Variants in SACS observed in about 807,000 individuals in gnomAD.
SACS encodes sacsin.
A neutral mutation model predicts 348.0 loss-of-function variants in SACS; 197 were observed. The observed-to-expected ratio is 0.57, with a 90% CI of 0.50 to 0.64. The LOEUF is 0.64. Ranked by LOEUF, SACS falls within the 30% of genes least tolerant of loss-of-function variation. The pLI, the probability that SACS is intolerant of heterozygous loss-of-function variation, is 0.00. For missense variants in SACS, 4,999 were observed against 5,360.8 expected, an observed-to-expected ratio of 0.93 and a Z score of 2.11; for synonymous variants, 1,985 against 1,910.6, an observed-to-expected ratio of 1.04 and a Z score of -1.02.
At chr13:23,375,492 A>T in intron 2 of SACS, 1 of 1,142,548 alleles carries the variant, frequency 8.8e-7, no homozygotes, top group Non-Finnish European at 1.1e-6. Flanking sequence ...CGTACGCAGC[A>T]GCCCGCGCCG....
chr13:23,362,446 T>C (rs1870796302), intron 6 of SACS, among the ~76,000 whole-genome samples: 1 of 152,198 alleles, frequency 6.6e-6, no homozygotes, highest in African/African-American at 2.4e-5. Flanking sequence ...AAAGCCATGA[T>C]ACAAGATGAC....
chr13:23,394,107 C>T (rs1006203261), intron 2 of SACS, among the ~76,000 whole-genome samples: 3 of 152,148 alleles, frequency 2.0e-5, no homozygotes, highest in Non-Finnish European at 2.9e-5. Flanking sequence ...GGTGGCCAAG[C>T]GAACCAACCA....
At chr13:23,430,049 A>G (rs553708456) in intron 1 of SACS, among the ~76,000 whole-genome samples, 1 of 152,190 alleles carries the variant, frequency 6.6e-6, no homozygotes, top group South Asian at 2.1e-4. Flanking sequence ...CTCTACTAAA[A>G]ATACAAAAAT....
At chr13:23,387,456 C>T (rs1335936947) in intron 2 of SACS, among the ~76,000 whole-genome samples, 2 of 115,934 alleles carry the variant, frequency 1.7e-5, no homozygotes, top group East Asian at 2.7e-4. Flanking sequence ...AGCAAGACTC[C>T]GTCTCAGAAA....
In SACS at chr13:23,334,083, T is replaced by G. The variant is rs753202391; in HGVS notation, c.9793A>C (p.Lys3265Gln). ...TCAACAACAATGTCAAATGTTGGTT[T>G]TGTTTCTTCCTGATCTTCTTTCACA... The part of the protein sequence containing the change: ...VSVKEDQEET[K>Q]PTFDIVVDTL... Residue 3265 changes from lysine to glutamine, a missense_variant, in exon 10 of 10, where the codon AAA becomes CAA. Around this residue, in one of 6 missense-constraint regions of SACS, gnomAD observed 734 missense variants for 694.0 expected, o/e 1.06. Coordinates refer to ENST00000382292, the MANE Select transcript of SACS (RefSeq NM_014363.6). 8.1e-6 allele frequency: 13 copies of G among 1,613,624 alleles called. No individual in the cohort carries two copies. The highest frequency in any genetic ancestry group is 1.1e-5 in the Non-Finnish European group (13 of 1,179,728).
chr13:23,337,745 T>C lies in SACS; in HGVS notation c.6131A>G (p.Gln2044Arg), dbSNP rs1298708517. ...KLGFEEAGCK[Q>R]ILLENTFSEK... ...TGAAAATGTGTTTTCAAGTAGTATC[T>C]GTTTGCAGCCAGCTTCTTCAAATCC... The change falls in exon 10 of 10, where the codon CAG (glutamine) becomes CGG (arginine). Residue 2044 changes from glutamine (Q) to arginine (R), a missense_variant. Gln to Arg is a conservative substitution (Grantham distance 43). This residue lies in a region of SACS where 3,156 missense variants were observed against 3,380.1 expected (regional missense o/e 0.93). Coordinates refer to ENST00000382292, the MANE Select transcript of SACS (RefSeq NM_014363.6). 6.2e-7 allele frequency: 1 copy of C among 1,613,948 alleles called. No homozygotes were observed. Among genetic ancestry groups the C allele is most frequent in the South Asian group, 1.1e-5 (1 of 91,068 alleles).
At chr13:23,361,434 C>T (rs1333064442) in intron 6 of SACS, among the ~76,000 whole-genome samples, 1 of 152,122 alleles carries the variant, frequency 6.6e-6, no homozygotes, top group Non-Finnish European at 1.5e-5. Flanking sequence ...CCTGTATCTA[C>T]TCTGATCAAA....
At chr13:23,382,901 T>A (rs1872123700) in intron 2 of SACS, among the ~76,000 whole-genome samples, 1 of 149,302 alleles carries the variant, frequency 6.7e-6, no homozygotes. Flanking sequence ...CCCACCTCAG[T>A]CTCCTGGGTA....
At chr13:23,362,250 C>G (rs567511357) in intron 6 of SACS, among the ~76,000 whole-genome samples, 1 of 152,282 alleles carries the variant, frequency 6.6e-6, no homozygotes, top group East Asian at 1.9e-4. Context: ...CTTCCTTCCC[C>G]TGTGTCTTAT....
In SACS at chr13:23,337,242, T is replaced by C. The variant is rs556248979; in HGVS notation, c.6634A>G (p.Thr2212Ala). 9.0e-5 allele frequency: 145 copies of C among 1,613,958 alleles called. 2 individuals are homozygous for C. In the South Asian group the frequency reaches 1.5e-3, roughly 17 times the overall value. ...GTCAGAAATGGAAGGAAGCGGATTG[T>C]TTGATATTTTGCAGCAAAATCCTTT... is the stretch of plus-strand genomic sequence containing the variant. ...RAKDFAAKYQ[T>A]IRFLPFLTKP... The change falls in exon 10 of 10, where the codon ACA (threonine) becomes GCA (alanine). Residue 2212 changes from threonine to alanine, a missense_variant. Thr to Ala is a moderately conservative substitution (Grantham distance 58). Transcript: ENST00000382292.
In SACS at chr13:23,334,517, C is replaced by A. The variant is rs569955570; in HGVS notation, c.9359G>T (p.Arg3120Leu). ...AAGTTTTAGATTAGTCTGCTGCAGA[C>A]GACAAGGCAGCTTCCCAATATGGCA... ...TNCHIGKLPC[R>L]LQQTNLKLFH... Residue 3120 changes from arginine to leucine, a missense_variant, in exon 10 of 10, where the codon CGT (arginine) becomes CTT (leucine). Coordinates refer to ENST00000382292, the MANE Select transcript of SACS (RefSeq NM_014363.6). 2.5e-6 allele frequency: 4 copies of A among 1,613,172 alleles called. No homozygotes were observed. The highest frequency in any genetic ancestry group is 1.3e-5 in the African/African-American group (1 of 74,836).
chr13:23,333,525 C>G lies in SACS; in HGVS notation c.10351G>C (p.Ala3451Pro). The G allele has an allele frequency of 1.2e-6, 2 of 1,613,474 alleles. No individual in the cohort carries two copies. Among genetic ancestry groups the G allele is most frequent in the Non-Finnish European group, 1.7e-6 (2 of 1,179,604 alleles). Residue 3451 changes from alanine to proline, a missense_variant, in exon 10 of 10, where the codon GCA becomes CCA. Coordinates refer to ENST00000382292, the MANE Select transcript of SACS (RefSeq NM_014363.6). ...VEKWTQSSSS[A>P]FLEEKIHLKE... is the part of the protein sequence containing the mutation. ...AAGTGTATTTTTTCTTCAAGAAATG[C>G]AGATGATGATGACTGTGTCCATTTC...
At position 23,340,425 on chromosome 13, in the gene SACS, A is replaced by G. The variant is rs2137635256; in HGVS notation, c.3451T>C (p.Leu1151=). Residue 1151 remains leucine, a synonymous_variant, in exon 10 of 10, where the codon TTG becomes CTG. Transcript: ENST00000382292. Reference sequence around the variant, plus strand: ...GCTGGAACCCATTTTATTTTCTTCAATGTCATCTTTCCTTCAGATGATTGC... The same window carrying G: ...GCTGGAACCCATTTTATTTTCTTCAGTGTCATCTTTCCTTCAGATGATTGC... ...LLQSSEGKMT[L]KKIKWVPACK... is the part of the protein sequence containing the mutation. The G allele has an allele frequency of 6.2e-7, 1 of 1,614,058 alleles. No individual in the cohort carries two copies. Among genetic ancestry groups the G allele is most frequent in the Non-Finnish European group, 8.5e-7 (1 of 1,180,000 alleles).
At chr13:23,422,784 G>A (rs1874008040) in intron 1 of SACS, among the ~76,000 whole-genome samples, 1 of 151,578 alleles carries the variant, frequency 6.6e-6, no homozygotes, top group Non-Finnish European at 1.5e-5. Context: ...TCAGCCTTTG[G>A]TGTTTCATAT....
At chr13:23,356,821 A>G (rs1870420196) in intron 7 of SACS, among the ~76,000 whole-genome samples, 1 of 152,194 alleles carries the variant, frequency 6.6e-6, no homozygotes. Context: ...AGTGAAGTCA[A>G]TCTTTAATAC....
At position 23,388,190 on chromosome 13, in the gene SACS, C is replaced by T. The variant is rs191098404; in HGVS notation, c.21-12921G>A. Among the ~76,000 whole-genome samples, 187 of 151,968 alleles carry T rather than the reference C, an allele frequency of 1.2e-3. 1 individual carries two copies. Among genetic ancestry groups the T allele is most frequent in the Admixed American group, 2.7e-3 (41 of 15,242 alleles). On this transcript the variant is annotated intron_variant, in intron 2 of 9. Transcript: ENST00000382292. ...AATTCACAATTGCAAAGATATGGGC[C>T]GGGAGCGGTGGCTCACACCTGTAAT...
chr13:23,334,595 G>T lies in SACS; in HGVS notation c.9281C>A (p.Thr3094Asn). The stretch of plus-strand genomic sequence containing the variant: ...TAAAAAAGATCTGATATCAGCAGGG[G>T]TCACATAACTAACAGGAATATCTGC... ...IDADIPVSYV[T>N]PADIRSFLMT... Residue 3094 changes from threonine (T) to asparagine (N), a missense_variant, in exon 10 of 10, where the codon ACC (threonine) becomes AAC (asparagine). This residue lies in a region of SACS where 734 missense variants were observed against 694.0 expected (regional missense o/e 1.06). Transcript: ENST00000382292. The T allele has an allele frequency of 5.0e-6, 8 of 1,613,416 alleles. No homozygotes were observed. The highest frequency in any genetic ancestry group is 5.9e-6 in the Non-Finnish European group (7 of 1,179,730).
At chr13:23,341,888 G>A (rs1380823266) in intron 9 of SACS, among the ~76,000 whole-genome samples, 198 bp from the exon 10 acceptor site, 4 of 140,126 alleles carry the variant, frequency 2.9e-5, no homozygotes, top group African/African-American at 1.0e-4. Flanking sequence ...CCGGGTTCAC[G>A]CCATTCTCCT....
In SACS at chr13:23,371,048, T is replaced by TAA. The variant is rs762335542; in HGVS notation, c.259+29_259+30insTT. On this transcript the variant is annotated intron_variant, in intron 4 of 9. Transcript: ENST00000382292. Reference sequence around the variant, plus strand: ...TCAATCTTTGTGCAACCCAACATGGTATATACTTCTGGTAAAGTCAATATT... The same window carrying TAA: ...TCAATCTTTGTGCAACCCAACATGGTAAATATACTTCTGGTAAAGTCAATATT... The TAA allele has an allele frequency of 2.7e-5, 37 of 1,365,310 alleles. No homozygotes were observed. The South Asian group carries it at 4.4e-4, about 16-fold the overall frequency. 84.6% of individuals were successfully genotyped at this position (1,365,310 alleles called of 1,614,324 possible).
Sources: allele counts gnomAD v4.1 joint callset (sites outside exome capture counted in the v4.1 genomes callset), GRCh38; gene constraint gnomAD v4.1.1; regional missense constraint gnomAD v4.1.1; transcripts MANE v1.5; gene names NCBI Gene and HGNC (gene_info 2026-07-23, HGNC 2026-07-21).